PIK3R4: variants seen among roughly 807,000 people sequenced by gnomAD.
PIK3R4 encodes phosphoinositide-3-kinase regulatory subunit 4, also known as phosphoinositide 3-kinase regulatory subunit 4.
PIK3R4 carries 46 observed loss-of-function variants against 136.5 expected under a neutral mutation model. The observed-to-expected ratio is 0.34, with a 90% CI of 0.27 to 0.43. The LOEUF (loss-of-function observed/expected upper bound fraction) is 0.43, where lower values mean the gene tolerates loss of function less well. Among genes scored for constraint, PIK3R4 ranks in the 20% least tolerant of loss-of-function variants. The probability of loss-of-function intolerance (pLI) is 1.00; values close to 1 mark genes in which losing one functional copy is unlikely to be tolerated. For missense variants in PIK3R4, 1,331 were observed against 1,649.5 expected, an observed-to-expected ratio of 0.81 and a Z score of 3.35; for synonymous variants, 557 against 566.7, an observed-to-expected ratio of 0.98 and a Z score of 0.24.
chr3:130,686,067 AAGTTAT>A, intron 15 of PIK3R4, 138 bp downstream of exon 15: 1 of 612,732 alleles, frequency 1.6e-6, no homozygotes. Flanking sequence ...ATAAAATTGC[AAGTTAT>A]TTTAACATGA....
Position 130,733,530 on chromosome 3 carries a change from T to G in PIK3R4, c.1450+18A>C. On this transcript the variant is annotated intron_variant, in intron 4 of 19. Coordinates refer to ENST00000356763, the MANE Select transcript of PIK3R4 (RefSeq NM_014602.3). Reference sequence around the variant, plus strand: ...AAAAAATATCTAAGTGGCTAATATTTGGACAATAAACTCTTACCAGCATAG... The same window carrying G: ...AAAAAATATCTAAGTGGCTAATATTGGGACAATAAACTCTTACCAGCATAG... 1 of 1,527,824 alleles carries G rather than the reference T, an allele frequency of 6.5e-7. No homozygotes were observed. The highest frequency in any genetic ancestry group is 2.3e-5 in the East Asian group (1 of 44,272). 94.6% of individuals were successfully genotyped at this position (1,527,824 alleles called of 1,614,324 possible).
intron 2 of PIK3R4, among the ~76,000 whole-genome samples, chr3:130,740,646 A>G (rs2066817187): frequency 6.6e-6 from 1 of 152,110 alleles, no homozygotes; most frequent in Non-Finnish European, 1.5e-5. Flanking sequence ...AGGCAGCAGC[A>G]TGATACCCAG....
At chr3:130,727,350 G>A (rs2066738042) in intron 6 of PIK3R4, among the ~76,000 whole-genome samples, 1 of 148,480 alleles carries the variant, frequency 6.7e-6, no homozygotes, top group Admixed American at 6.8e-5. Flanking sequence ...CCCCCCTCCC[G>A]CCGCCTCCGA....
At chr3:130,734,423 G>T (rs933394139) in intron 3 of PIK3R4, among the ~76,000 whole-genome samples, 9 of 152,172 alleles carry the variant, frequency 5.9e-5, no homozygotes. Context: ...ACTTTTCTAA[G>T]TAGGAGATAC....
Position 130,681,607 on chromosome 3 carries a change from GC to G in PIK3R4, c.3608-17del. On this transcript the variant is annotated splice_polypyrimidine_tract_variant and intron_variant, in intron 16 of 19. Coordinates refer to ENST00000356763, the MANE Select transcript of PIK3R4 (RefSeq NM_014602.3). ...CCCTGAACAGCTAAAGGAAACAAAGGCCAGAATCTTGACTCAGACAAAAAGA... is the reference window on the plus strand; with the variant it reads ...CCCTGAACAGCTAAAGGAAACAAAGGCAGAATCTTGACTCAGACAAAAAGA... 6.8e-7 allele frequency: 1 copy of G among 1,477,162 alleles called. No individual in the cohort carries two copies. The highest frequency in any genetic ancestry group is 9.4e-7 in the Non-Finnish European group (1 of 1,058,962). 91.5% of individuals were successfully genotyped at this position (1,477,162 alleles called of 1,614,324 possible). A position where few individuals can be genotyped will look rare whatever the true frequency, so the allele number is the denominator to read the frequency against.
At chr3:130,740,338 G>C (rs1386611819) in intron 2 of PIK3R4, among the ~76,000 whole-genome samples, 2 of 151,994 alleles carry the variant, frequency 1.3e-5, no homozygotes, top group Admixed American at 1.3e-4. Flanking sequence ...GACATTATTG[G>C]GTCAAATACA....
intron 13 of PIK3R4, among the ~76,000 whole-genome samples, chr3:130,700,890 G>A (rs1046481984): frequency 1.3e-5 from 2 of 152,178 alleles, no homozygotes; most frequent in African/African-American, 2.4e-5. Context: ...GGCCACAAAC[G>A]AGAGCAGGTG....
At chr3:130,729,795 C>T (rs2066752410) in intron 5 of PIK3R4, among the ~76,000 whole-genome samples, 1 of 152,106 alleles carries the variant, frequency 6.6e-6, no homozygotes, top group Non-Finnish European at 1.5e-5. Context: ...AAATCTTTTA[C>T]TCAACAAACA....
At position 130,739,424 on chromosome 3, in the gene PIK3R4, T is replaced by A. The variant is rs562606335; in HGVS notation, c.734-3422A>T. 3.9e-5 allele frequency among the ~76,000 whole-genome samples: 6 copies of A among 152,110 alleles called. No individual in the cohort carries two copies. In the East Asian group the frequency reaches 1.2e-3, roughly 29 times the overall value. ...TCTCACTCTGTCACCCAGCCTGGAG[T>A]GCAGTGGTGTGATCACAGTTCACTG... On this transcript the variant is annotated intron_variant, in intron 2 of 19. Transcript: ENST00000356763.
intron 19 of PIK3R4, 67 bp from the exon 20 acceptor site, chr3:130,679,552 G>GAAGCAGGAC: frequency 3.7e-6 from 4 of 1,081,954 alleles, no homozygotes; most frequent in Non-Finnish European, 5.5e-6. Flanking sequence ...CCTCTCGTCA[G>GAAGCAGGAC]TAGTCCTGCT....
intron 7 of PIK3R4, among the ~76,000 whole-genome samples, chr3:130,720,964 G>C (rs1278885596): frequency 6.6e-6 from 1 of 152,128 alleles, no homozygotes; most frequent in Non-Finnish European, 1.5e-5. Context: ...TTGAGCCAGG[G>C]AGATCCAGGC....
Position 130,718,679 on chromosome 3 carries a change from G to A in PIK3R4, c.1982-145C>T. The A allele has an allele frequency of 4.7e-6, 3 of 638,504 alleles. No individual in the cohort carries two copies. The South Asian group carries it at 6.2e-5, about 13-fold the overall frequency. The allele number at this position is 638,504 out of a possible 1,614,324, so 39.6% of individuals were successfully genotyped here. A position where few individuals can be genotyped will look rare whatever the true frequency, so the allele number is the denominator to read the frequency against. Reference sequence around the variant, plus strand: ...CCTTCACATACTCAATTACCCTGAAGCATAAACTCAATCAAGTGGACACAC... The same window carrying A: ...CCTTCACATACTCAATTACCCTGAAACATAAACTCAATCAAGTGGACACAC... On this transcript the variant is annotated intron_variant, in intron 7 of 19. Transcript: ENST00000356763.
rs914083942 is a variant in PIK3R4 at position 130,679,368 on chromosome 3, G to T, written c.4024C>A (p.Gln1342Lys). 2 of 1,613,024 alleles carry T rather than the reference G, an allele frequency of 1.2e-6. No homozygotes were observed. Among genetic ancestry groups the T allele is most frequent in the African/African-American group, 2.7e-5 (2 of 74,904 alleles). ...CTAGAAGCAGTTACGATGAAGCCCT[G>T]TGTGGTCTGGAATGTGGCGACATCA... is the stretch of plus-strand genomic sequence containing the variant. ...ITDVATFQTT[Q>K]GFIVTASRDG... Residue 1342 changes from glutamine to lysine, a missense_variant, in exon 20 of 20, where the codon CAG (glutamine) becomes AAG (lysine). By Grantham distance (53) the Gln-to-Lys change is moderately conservative. Around this residue, in one of 2 missense-constraint regions of PIK3R4, gnomAD observed 1,180 missense variants for 1,407.0 expected, o/e 0.84. Transcript: ENST00000356763.
At chr3:130,690,374 G>GAAGT (rs1227695394) in intron 14 of PIK3R4, 116 bp downstream of exon 14, 1 of 468,992 alleles carries the variant, frequency 2.1e-6, no homozygotes, top group African/African-American at 2.0e-5. Context: ...CTTAAAAAAA[G>GAAGT]AAGTGCAATG....
intron 8 of PIK3R4, among the ~76,000 whole-genome samples, chr3:130,717,840 G>A (rs2066674282): frequency 6.6e-6 from 1 of 152,132 alleles, no homozygotes; most frequent in Admixed American, 6.5e-5. Flanking sequence ...AAGATGAAGG[G>A]TATAAACACT....
intron 8 of PIK3R4, 86 bp from the exon 9 acceptor site, chr3:130,716,685 T>G (rs2066666803): frequency 3.8e-6 from 3 of 785,836 alleles, no homozygotes; most frequent in Non-Finnish European, 6.0e-6. Flanking sequence ...TGAGAAAAGT[T>G]AACATATTCA....
At chr3:130,694,803 A>C (rs868629458) in intron 13 of PIK3R4, among the ~76,000 whole-genome samples, 20 of 151,982 alleles carry the variant, frequency 1.3e-4, no homozygotes, top group Admixed American at 6.6e-5. Context: ...CCTGGCTAGA[A>C]CCTCCAGTAC....
chr3:130,704,047 C>T (rs1176630048), intron 12 of PIK3R4, among the ~76,000 whole-genome samples, 159 bp from the exon 13 acceptor site: 1 of 152,056 alleles, frequency 6.6e-6, no homozygotes, highest in Non-Finnish European at 1.5e-5. Flanking sequence ...GTCTACTGGA[C>T]CATGACAGAT....
intron 2 of PIK3R4, 85 bp downstream of exon 2, chr3:130,744,401 C>T (rs2066841525): frequency 1.4e-6 from 2 of 1,404,016 alleles, no homozygotes; most frequent in South Asian, 2.8e-5. Flanking sequence ...TTTTCAATAT[C>T]TGGTGACTAA....
Sources: gnomAD v4.1 joint callset for allele counts (sites outside exome capture counted in the v4.1 genomes callset) on GRCh38, gnomAD v4.1.1 for gene constraint, gnomAD v4.1.1 regional missense constraint, MANE v1.5 for transcripts, NCBI Gene and HGNC (gene_info 2026-07-23, HGNC 2026-07-21) for gene names.